The following TRIM36 variants were observed in gnomAD, a reference collection of about 807,000 sequenced individuals.
The protein encoded by TRIM36 is tripartite motif containing 36, also known as E3 ubiquitin-protein ligase TRIM36.
A neutral mutation model predicts 72.4 loss-of-function variants in TRIM36; 42 were observed. That is an observed-to-expected ratio of 0.58 (90% confidence interval 0.45 to 0.75). The LOEUF (loss-of-function observed/expected upper bound fraction) is 0.75. Among genes scored for constraint, TRIM36 ranks in the 30% least tolerant of loss-of-function variants. The pLI, the probability that TRIM36 is intolerant of heterozygous loss-of-function variation, is 0.00. For missense variants in TRIM36, 913 were observed against 857.1 expected (o/e 1.07, Z -0.81); for synonymous variants, 315 against 282.8 (o/e 1.11, Z -1.14).
intron 4 of TRIM36, among the ~76,000 whole-genome samples, chr5:115,144,396 A>G (rs894686519): frequency 6.6e-6 from 1 of 152,182 alleles, no homozygotes; most frequent in Non-Finnish European, 1.5e-5. Flanking sequence ...AGGTGTCAAT[A>G]TATGCCGGGC....
chr5:115,179,115 C>T (rs1755483551), intron 1 of TRIM36, among the ~76,000 whole-genome samples: 1 of 152,216 alleles, frequency 6.6e-6, no homozygotes. Flanking sequence ...CGCCTTCTCT[C>T]CGTCTGCGAG....
intron 2 of TRIM36, among the ~76,000 whole-genome samples, chr5:115,154,545 C>T (rs1424160700): frequency 6.6e-6 from 1 of 152,138 alleles, no homozygotes; most frequent in African/African-American, 2.4e-5. Context: ...TCATTCAAGG[C>T]TGCTGTGACT....
At chr5:115,164,450 C>T (rs766608035) in intron 1 of TRIM36, among the ~76,000 whole-genome samples, 1 of 152,162 alleles carries the variant, frequency 6.6e-6, no homozygotes, top group Non-Finnish European at 1.5e-5. Context: ...TTCCACATGG[C>T]TAGGGAGTCC....
chr5:115,165,580 T>G (rs572258622), intron 1 of TRIM36, among the ~76,000 whole-genome samples: 25 of 152,330 alleles, frequency 1.6e-4, no homozygotes, highest in African/African-American at 5.3e-4. Flanking sequence ...GTCCCAGTGA[T>G]GGCAGCTGCA....
At chr5:115,149,886 G>C (rs1256959530) in intron 2 of TRIM36, among the ~76,000 whole-genome samples, 1 of 152,080 alleles carries the variant, frequency 6.6e-6, no homozygotes, top group Non-Finnish European at 1.5e-5. Context: ...AGCCTCCCGA[G>C]TAGCTGGGAC....
Position 115,147,147 on chromosome 5 carries a change from GC to G in TRIM36, c.509del (p.Cys170SerfsTer11). On this transcript the variant is annotated frameshift_variant, in exon 3 of 10. Transcript: ENST00000513154. LOFTEE classifies it high-confidence loss of function. ...TACCCCAAGGGTGATGAATTTTGAA[GC>G]ATTCATTGCAGTAACTTGCACTACA... ...MDCSASYCNECFKIHHPWGTI... is the reference protein window; with the variant it reads ...MDCSASYCNEXFKIHHPWGTI... 1 of 1,614,198 alleles carries G rather than the reference GC, an allele frequency of 6.2e-7. No individual in the cohort carries two copies. The highest frequency in any genetic ancestry group is 8.5e-7 in the Non-Finnish European group (1 of 1,180,032).
At chr5:115,156,615 T>G (rs1754192510) in intron 2 of TRIM36, among the ~76,000 whole-genome samples, 1 of 152,166 alleles carries the variant, frequency 6.6e-6, no homozygotes. Flanking sequence ...GCTAGCCACA[T>G]GTAGGAGAAT....
chr5:115,158,581 G>A (rs181802137), intron 2 of TRIM36, among the ~76,000 whole-genome samples: 1 of 152,202 alleles, frequency 6.6e-6, no homozygotes, highest in Non-Finnish European at 1.5e-5. Context: ...GGACACTACT[G>A]TTGGGCTTTT....
At chr5:115,170,247 C>T (rs138456187), upstream of TRIM36, among the ~76,000 whole-genome samples, 11 of 151,928 alleles carry the variant, frequency 7.2e-5, no homozygotes, top group East Asian at 2.0e-4. Flanking sequence ...CCGAGGGCGG[C>T]GCCGGGGCGG....
intron 1 of TRIM36, among the ~76,000 whole-genome samples, chr5:115,175,315 T>C (rs927735894): frequency 2.2e-4 from 34 of 152,200 alleles, no homozygotes; most frequent in African/African-American, 7.5e-4. Flanking sequence ...CTTTCATTTA[T>C]TGAGGGCCTA....
chr5:115,176,174 C>T (rs1181449948), intron 1 of TRIM36, among the ~76,000 whole-genome samples: 1 of 152,126 alleles, frequency 6.6e-6, no homozygotes, highest in African/African-American at 2.4e-5. Flanking sequence ...TGGGCACAAC[C>T]TTACCATTAT....
chr5:115,149,115 A>G (rs574725655), intron 2 of TRIM36: 2 of 152,322 alleles, frequency 1.3e-5, no homozygotes, highest in East Asian at 3.9e-4. Flanking sequence ...TTAAACATTA[A>G]TGCATACAAA....
chr5:115,126,638 C>A lies in TRIM36; in HGVS notation c.2016G>T (p.Gln672His), dbSNP rs770979007. Residue 672 changes from glutamine to histidine, a missense_variant, in exon 10 of 10, where the codon CAG (glutamine) becomes CAT (histidine). By Grantham distance (24) the Gln-to-His change is conservative (BLOSUM62 0). Coordinates refer to ENST00000513154, the MANE Select transcript of TRIM36 (RefSeq NM_001300759.2). ...KGKVDFYDMD[Q>H]MKCLYERQVD... ...CTTGGCGTTCATAAAGGCATTTCAT[C>A]TGATCCATATCATAGAAATCTACTT... The A allele has an allele frequency of 6.2e-7, 1 of 1,614,170 alleles. No homozygotes were observed. The highest frequency in any genetic ancestry group is 1.7e-5 in the Admixed American group (1 of 60,022).
intron 4 of TRIM36, among the ~76,000 whole-genome samples, chr5:115,142,098 T>C (rs1168791228): frequency 1.3e-5 from 2 of 151,506 alleles, no homozygotes; most frequent in South Asian, 2.1e-4. Context: ...AACAGAAAAA[T>C]GTATTGAGAG....
chr5:115,150,588 G>C (rs1294854029), intron 2 of TRIM36, among the ~76,000 whole-genome samples: 1 of 152,214 alleles, frequency 6.6e-6, no homozygotes, highest in Non-Finnish European at 1.5e-5. Context: ...GCAGCATGTG[G>C]ATGCTAGCAC....
At chr5:115,133,738 G>T in intron 8 of TRIM36, 122 bp downstream of exon 8, 2 of 967,390 alleles carry the variant, frequency 2.1e-6, no homozygotes, top group Non-Finnish European at 2.8e-6. Context: ...TACTTTTCTG[G>T]AGTCTTTTAA....
At chr5:115,143,626 A>C (rs904452288) in intron 4 of TRIM36, among the ~76,000 whole-genome samples, 8 of 152,102 alleles carry the variant, frequency 5.3e-5, no homozygotes, top group Non-Finnish European at 4.4e-5. Context: ...TATAAAATGC[A>C]AAACACAAAA....
chr5:115,167,395 C>T (rs767480882), intron 1 of TRIM36, among the ~76,000 whole-genome samples: 13 of 152,202 alleles, frequency 8.5e-5, no homozygotes, highest in Non-Finnish European at 7.3e-5. Context: ...CTGCAGCTAG[C>T]TTGAATCCCT....
At chr5:115,170,328 C>T (rs956747579), upstream of TRIM36, among the ~76,000 whole-genome samples, 2 of 152,356 alleles carry the variant, frequency 1.3e-5, no homozygotes, top group Non-Finnish European at 1.5e-5. Flanking sequence ...GCTGCCATTC[C>T]GCCCTTCAGT....
Sources: allele counts gnomAD v4.1 joint callset (sites outside exome capture counted in the v4.1 genomes callset), GRCh38; gene constraint gnomAD v4.1.1; transcripts MANE v1.5; gene names NCBI Gene and HGNC (gene_info 2026-07-23, HGNC 2026-07-21).